RCBTB1: variants seen among roughly 807,000 people sequenced by gnomAD.
RCBTB1 encodes RCC1 and BTB domain containing protein 1.
A neutral mutation model predicts 62.4 loss-of-function variants in RCBTB1; 46 were observed. That is an observed-to-expected ratio of 0.74 (90% CI 0.58 to 0.94). The LOEUF (loss-of-function observed/expected upper bound fraction) is 0.94. Among genes scored for constraint, RCBTB1 ranks in the 40% least tolerant of loss-of-function variants. RCBTB1 has a pLI of 0.00. For missense variants in RCBTB1, 565 were observed against 654.9 expected (o/e 0.86, Z 1.50); for synonymous variants, 222 against 245.8 (o/e 0.90, Z 0.91).
intron 2 of RCBTB1, among the ~76,000 whole-genome samples, chr13:49,579,553 G>T (rs903792857): frequency 6.6e-6 from 1 of 151,650 alleles, no homozygotes; most frequent in Non-Finnish European, 1.5e-5. Context: ...GAGCCCAGGA[G>T]GCACAGCTTG....
At chr13:49,542,900 A>T (rs7317140) in intron 10 of RCBTB1, among the ~76,000 whole-genome samples, 126,262 of 152,230 alleles carry the variant, frequency 0.83, 52,476 homozygotes, top group East Asian at 0.9. Context: ...CTTATGTATA[A>T]CACAGTTGTA....
intron 5 of RCBTB1, 152 bp downstream of exon 5, chr13:49,559,766 G>A: frequency 3.2e-6 from 2 of 622,606 alleles, no homozygotes; most frequent in Non-Finnish European, 5.3e-6. Context: ...CAGTTCTGTG[G>A]GTGCATGCTG....
At chr13:49,565,643 G>T (rs1351351990) in intron 4 of RCBTB1, among the ~76,000 whole-genome samples, 11 of 142,318 alleles carry the variant, frequency 7.7e-5, no homozygotes, top group South Asian at 2.4e-4. Flanking sequence ...CCGTCTGGGA[G>T]GTGAGGAGCG....
At chr13:49,580,712 C>T (rs1964047858) in intron 1 of RCBTB1, 128 bp from the exon 2 acceptor site, 1 of 152,154 alleles carries the variant, frequency 6.6e-6, no homozygotes, top group Middle Eastern at 3.2e-3. Flanking sequence ...CATGTGGATA[C>T]CCCAAAAGTG....
rs1186636782 is a variant in RCBTB1, at chr13:49,559,904, A to C, written c.444+14T>G. 1 of 1,592,004 alleles carries C rather than the reference A, an allele frequency of 6.3e-7. No homozygotes were observed. Among genetic ancestry groups the C allele is most frequent in the Non-Finnish European group, 8.5e-7 (1 of 1,173,542 alleles). ...AAAAAAAAAAAGAATAAAGAATAAAAGCAGCATACTTACCTCTCCATCAGC... is the reference window on the plus strand; with the variant it reads ...AAAAAAAAAAAGAATAAAGAATAAACGCAGCATACTTACCTCTCCATCAGC... On this transcript the variant is annotated intron_variant, in intron 5 of 12. Transcript: ENST00000378302.
chr13:49,543,554 T>C (rs1399178250), intron 10 of RCBTB1, among the ~76,000 whole-genome samples: 1 of 152,210 alleles, frequency 6.6e-6, no homozygotes, highest in Non-Finnish European at 1.5e-5. Flanking sequence ...CAATAGGTTT[T>C]TACCTAAATT....
At chr13:49,535,581 G>C (rs377494249) in intron 12 of RCBTB1, among the ~76,000 whole-genome samples, 216 of 152,108 alleles carry the variant, frequency 1.4e-3, no homozygotes, top group African/African-American at 5.0e-3. Context: ...GAGTGGAAGG[G>C]GCCCACACAA....
intron 2 of RCBTB1, among the ~76,000 whole-genome samples, chr13:49,579,555 C>T (rs1164456854): frequency 6.6e-6 from 1 of 150,880 alleles, no homozygotes; most frequent in Non-Finnish European, 1.5e-5. Flanking sequence ...GCCCAGGAGG[C>T]ACAGCTTGCA....
chr13:49,567,063 C>A, intron 3 of RCBTB1, 91 bp downstream of exon 3: 8 of 1,216,682 alleles, frequency 6.6e-6, no homozygotes, highest in Non-Finnish European at 9.4e-6. Context: ...TTTATTTATA[C>A]CCCGCCTTTT....
At position 49,582,994 on chromosome 13, in the gene RCBTB1, T is replaced by C. The variant is rs575416694; in HGVS notation, c.-121-2410A>G. Among the ~76,000 whole-genome samples, 13 of 152,188 alleles carry C rather than the reference T, an allele frequency of 8.5e-5. No homozygotes were observed. The South Asian group carries it at 2.7e-3, about 32-fold the overall frequency. On this transcript the variant is annotated intron_variant, in intron 1 of 12. Transcript: ENST00000378302. ...GTGTTCAAGACCAGCCTGGGCAACA[T>C]AGGGAGACCCTGTCTCTACAAAAAA...
intron 12 of RCBTB1, among the ~76,000 whole-genome samples, chr13:49,540,653 C>T (rs1368698212): frequency 3.3e-5 from 5 of 152,196 alleles, no homozygotes; most frequent in Non-Finnish European, 1.5e-5. Context: ...GACCTTGGTT[C>T]GTTTCCTGTC....
At chr13:49,566,031 A>C (rs1418437152) in intron 4 of RCBTB1, among the ~76,000 whole-genome samples, 2 of 147,874 alleles carry the variant, frequency 1.4e-5, no homozygotes, top group Non-Finnish European at 3.0e-5. Flanking sequence ...GCGGTGCAAG[A>C]TGTGCTTTGT....
chr13:49,576,224 T>A (rs61071562), intron 2 of RCBTB1, among the ~76,000 whole-genome samples: 169 of 150,414 alleles, frequency 1.1e-3, no homozygotes, highest in African/African-American at 4.0e-3. Flanking sequence ...TGATTTTTTT[T>A]AAGTAGTCTA....
chr13:49,578,493 G>A (rs997324985), intron 2 of RCBTB1, among the ~76,000 whole-genome samples: 3 of 152,106 alleles, frequency 2.0e-5, no homozygotes, highest in Non-Finnish European at 2.9e-5. Flanking sequence ...ATACAATCAT[G>A]GTCTCTGCCT....
intron 2 of RCBTB1, among the ~76,000 whole-genome samples, chr13:49,577,660 G>T (rs994463985): frequency 6.6e-6 from 1 of 152,154 alleles, no homozygotes; most frequent in Non-Finnish European, 1.5e-5. Context: ...CGAGCACCAA[G>T]ATTCTGACGC....
At chr13:49,546,145 A>G (rs1960768231) in intron 9 of RCBTB1, 1 of 980,588 alleles carries the variant, frequency 1.0e-6, no homozygotes, top group Non-Finnish European at 1.2e-6. Context: ...CCACCCATCC[A>G]AAAAAAAACC....
In RCBTB1 at chr13:49,567,135, G is replaced by A. The variant is rs756593798; in HGVS notation, c.126+19C>T. 1.2e-6 allele frequency: 2 copies of A among 1,612,062 alleles called. No individual in the cohort carries two copies. The highest frequency in any genetic ancestry group is 1.7e-6 in the Non-Finnish European group (2 of 1,178,942). On this transcript the variant is annotated intron_variant, in intron 3 of 12. Coordinates refer to ENST00000378302, the MANE Select transcript of RCBTB1 (RefSeq NM_018191.4). ...CCAAATAAGTCCTAAAACGAAACTA[G>A]GTTTCAAGAGACTCTTACCTCATCA...
intron 12 of RCBTB1, among the ~76,000 whole-genome samples, chr13:49,537,445 C>T (rs141776877): frequency 0.012 from 1,895 of 152,280 alleles, 19 homozygotes; most frequent in Non-Finnish European, 0.017. Context: ...GAAAAAAACG[C>T]TGGCCACCAA....
At chr13:49,551,230 C>A in intron 8 of RCBTB1, 96 bp downstream of exon 8, 1 of 1,397,626 alleles carries the variant, frequency 7.2e-7, no homozygotes, top group African/African-American at 1.4e-5. Flanking sequence ...TGTTAATAAA[C>A]AGAAGAATCA....
Sources: allele counts gnomAD v4.1 joint callset (sites outside exome capture counted in the v4.1 genomes callset), GRCh38; gene constraint gnomAD v4.1.1; transcripts MANE v1.5; gene names NCBI Gene and HGNC (gene_info 2026-07-23, HGNC 2026-07-21).